BLTP1: variants seen among roughly 807,000 people sequenced by gnomAD.
The protein encoded by BLTP1 is fragile site-associated protein.
the BLTP1 span, among the ~76,000 whole-genome samples, chr4:122,238,525 A>C: frequency 6.6e-6 from 1 of 152,224 alleles, no homozygotes; most frequent in East Asian, 1.9e-4. Context: ...AAAGTCATAC[A>C]TACATATATT....
At chr4:122,271,770 A>G in the BLTP1 span, 66 of 1,233,464 alleles carry the variant, frequency 5.4e-5, no homozygotes, top group East Asian at 8.1e-4. Context: ...TACAATAACA[A>G]TAATACCAAA....
the BLTP1 span, chr4:122,312,667 TA>T: frequency 5.2e-6 from 1 of 191,316 alleles, no homozygotes; most frequent in Admixed American, 6.5e-5. Context: ...TGGCAGTCTT[TA>T]AAAAAACATA....
the BLTP1 span, chr4:122,187,196 T>C: frequency 1.0e-6 from 1 of 981,302 alleles, no homozygotes; most frequent in African/African-American, 1.8e-5. Flanking sequence ...AAAAACATAG[T>C]TTTGTTATAA....
At chr4:122,162,726 CA>C in the BLTP1 span, 1 of 817,720 alleles carries the variant, frequency 1.2e-6, no homozygotes, top group African/African-American at 2.3e-5. Context: ...GGGGTTATAA[CA>C]ACAACAACAA....
chr4:122,290,919 T>G, the BLTP1 span: 5 of 393,764 alleles, frequency 1.3e-5, no homozygotes, highest in Non-Finnish European at 1.7e-5. Flanking sequence ...AAAAAATAAA[T>G]AGACTCTTAC....
At chr4:122,163,047 C>G in the BLTP1 span, among the ~76,000 whole-genome samples, 1 of 152,160 alleles carries the variant, frequency 6.6e-6, no homozygotes, top group Non-Finnish European at 1.5e-5. Flanking sequence ...CTAAAGCACA[C>G]AGTCATGTTT....
At chr4:122,239,483 A>G in the BLTP1 span, 7 of 1,470,134 alleles carry the variant, frequency 4.8e-6, no homozygotes, top group East Asian at 1.6e-4. Context: ...TATGATGTAT[A>G]GAAAATGGTA....
the BLTP1 span, chr4:122,220,398 A>G: frequency 1.2e-6 from 2 of 1,613,448 alleles, no homozygotes; most frequent in Non-Finnish European, 1.7e-6. Context: ...TTGAAATGAA[A>G]AAAGGATTTA....
At chr4:122,216,777 G>A in the BLTP1 span, among the ~76,000 whole-genome samples, 1 of 151,720 alleles carries the variant, frequency 6.6e-6, no homozygotes, top group African/African-American at 2.4e-5. Flanking sequence ...ATTAGGTCCC[G>A]TTTATTTGTT....
At chr4:122,249,010 G>C in the BLTP1 span, 1 of 946,126 alleles carries the variant, frequency 1.1e-6, no homozygotes, top group Non-Finnish European at 1.3e-6. Context: ...CAGTGTATCT[G>C]TAAGCAGTGG....
chr4:122,199,276 G>C, the BLTP1 span: 3 of 1,543,762 alleles, frequency 1.9e-6, no homozygotes, highest in Non-Finnish European at 2.6e-6. Context: ...TCTTTGAGTG[G>C]TGGTAGGAGT....
At chr4:122,359,349 T>G in the BLTP1 span, 12 of 959,372 alleles carry the variant, frequency 1.3e-5, no homozygotes, top group Non-Finnish European at 1.5e-5. Flanking sequence ...ATCTCAGCAT[T>G]TTTTATCATT....
chr4:122,341,632 T>C, the BLTP1 span: 1 of 952,658 alleles, frequency 1.0e-6, no homozygotes, highest in Non-Finnish European at 1.2e-6. Flanking sequence ...ATAGCACCCC[T>C]CATTTTATCA....
chr4:122,337,093 A>G, the BLTP1 span: 2 of 1,354,952 alleles, frequency 1.5e-6, no homozygotes, highest in Non-Finnish European at 2.1e-6. Context: ...ACATTTCAAC[A>G]TTATTACTGT....
At chr4:122,279,351 C>G in the BLTP1 span, among the ~76,000 whole-genome samples, 1 of 152,102 alleles carries the variant, frequency 6.6e-6, no homozygotes, top group Non-Finnish European at 1.5e-5. Flanking sequence ...ATTGTCTTGT[C>G]CCTTCTTGAG....
chr4:122,320,655 T>TTGAGTC, the BLTP1 span, among the ~76,000 whole-genome samples: 3 of 152,318 alleles, frequency 2.0e-5, no homozygotes, highest in East Asian at 5.8e-4. Flanking sequence ...ATCTGTATAC[T>TTGAGTC]TTTAATCTAT....
the BLTP1 span, chr4:122,304,910 G>A: frequency 6.2e-7 from 1 of 1,613,988 alleles, no homozygotes; most frequent in Non-Finnish European, 8.5e-7. Context: ...CCAGGAAGTA[G>A]CAGCTATCTG....
the BLTP1 span, chr4:122,287,467 C>G: frequency 0.012 from 5,407 of 451,482 alleles, 291 homozygotes; most frequent in African/African-American, 0.11. Context: ...CCTTAAGTCT[C>G]GAGACCTAGC....
the BLTP1 span, chr4:122,341,672 A>T: frequency 2.0e-6 from 2 of 980,106 alleles, no homozygotes; most frequent in Admixed American, 1.2e-4. Context: ...TGATAAGAAT[A>T]TATAGGTTGC....
Sources: gnomAD v4.1 joint callset for allele counts (sites outside exome capture counted in the v4.1 genomes callset) on GRCh38, gnomAD v4.1.1 for gene constraint, MANE v1.5 for transcripts, NCBI Gene and HGNC (gene_info 2026-07-23, HGNC 2026-07-21) for gene names.